Variants in GRIK3 observed in about 807,000 individuals in gnomAD.
GRIK3 encodes the protein glutamate ionotropic receptor kainate type subunit 3.
GRIK3 carries 29 observed loss-of-function variants against 102.5 expected under a neutral mutation model. The observed-to-expected ratio is 0.28, with a 90% CI of 0.21 to 0.39. GRIK3 has a LOEUF of 0.39. Among genes scored for constraint, GRIK3 ranks in the 10% least tolerant of loss-of-function variants. The pLI is 1.00. For missense variants in GRIK3, 908 were observed against 1,252.4 expected, an observed-to-expected ratio of 0.73 and a Z score of 4.15; for synonymous variants, 511 against 504.9, an observed-to-expected ratio of 1.01 and a Z score of -0.16.
At chr1:36,970,816 C>A (rs1413166693) in intron 1 of GRIK3, among the ~76,000 whole-genome samples, 1 of 152,186 alleles carries the variant, frequency 6.6e-6, no homozygotes, top group Non-Finnish European at 1.5e-5. Context: ...CTCTTATATT[C>A]CTCTTGGTTT....
At chr1:36,852,541 C>A (rs541439627) in intron 8 of GRIK3, among the ~76,000 whole-genome samples, 29 of 152,320 alleles carry the variant, frequency 1.9e-4, no homozygotes, top group African/African-American at 7.0e-4. Context: ...TGGGCAGTTT[C>A]AGAGCAGGGC....
At chr1:36,997,839 T>C (rs75727113) in intron 1 of GRIK3, among the ~76,000 whole-genome samples, 4,395 of 152,218 alleles carry the variant, frequency 0.029, 225 homozygotes, top group African/African-American at 0.1. Context: ...TGGGAGGGTT[T>C]GGAGCTGACC....
intron 13 of GRIK3, among the ~76,000 whole-genome samples, chr1:36,814,908 A>G (rs1384287428): frequency 1.3e-5 from 2 of 152,184 alleles, no homozygotes; most frequent in Non-Finnish European, 2.9e-5. Context: ...TGCATCACAC[A>G]TATGTTCAGC....
At chr1:36,995,848 G>A (rs915259177) in intron 1 of GRIK3, among the ~76,000 whole-genome samples, 1 of 152,174 alleles carries the variant, frequency 6.6e-6, no homozygotes, top group Admixed American at 6.5e-5. Context: ...AAACAGAGCT[G>A]GCAAGGCACT....
At chr1:36,911,306 C>A (rs944917117) in intron 1 of GRIK3, among the ~76,000 whole-genome samples, 3 of 152,184 alleles carry the variant, frequency 2.0e-5, no homozygotes. Context: ...CACCACTTCC[C>A]AGCTATGTCA....
At chr1:37,011,512 G>A (rs1642595703) in intron 1 of GRIK3, among the ~76,000 whole-genome samples, 1 of 152,172 alleles carries the variant, frequency 6.6e-6, no homozygotes, top group Admixed American at 6.5e-5. Context: ...AGCACAGAGA[G>A]GTTAAGAACT....
At chr1:37,029,547 A>G (rs187675796) in intron 1 of GRIK3, among the ~76,000 whole-genome samples, 1 of 152,320 alleles carries the variant, frequency 6.6e-6, no homozygotes, top group East Asian at 1.9e-4. Flanking sequence ...ACTGAGATCA[A>G]ACAGGTCTCC....
chr1:36,966,914 C>A (rs141540167), intron 1 of GRIK3, among the ~76,000 whole-genome samples: 5 of 152,166 alleles, frequency 3.3e-5, no homozygotes, highest in African/African-American at 9.6e-5. Context: ...ATTTGCCAGA[C>A]AATGTGCTTG....
At chr1:36,885,281 C>T (rs1226431988) in intron 2 of GRIK3, among the ~76,000 whole-genome samples, 4 of 151,982 alleles carry the variant, frequency 2.6e-5, no homozygotes, top group African/African-American at 9.7e-5. Flanking sequence ...GTGATCACAA[C>T]GTTGATGGTA....
chr1:37,033,663 G>A (rs1462350237), intron 1 of GRIK3, among the ~76,000 whole-genome samples: 1 of 152,120 alleles, frequency 6.6e-6, no homozygotes, highest in East Asian at 1.9e-4. Context: ...GAACTCGGTC[G>A]GCTGCGGTTC....
chr1:36,928,177 A>G (rs1427050050), intron 1 of GRIK3, among the ~76,000 whole-genome samples: 1 of 152,174 alleles, frequency 6.6e-6, no homozygotes, highest in African/African-American at 2.4e-5. Flanking sequence ...AAATGGGGTG[A>G]GGAAGGGAAG....
chr1:36,976,717 G>A lies in GRIK3; in HGVS notation c.115+57277C>T, dbSNP rs143438705. Among the ~76,000 whole-genome samples the A allele has an allele frequency of 2.2e-3, 334 of 152,186 alleles. 1 individual carries two copies. Among genetic ancestry groups the A allele is most frequent in the African/African-American group, 7.6e-3 (314 of 41,484 alleles). ...GTTCTTGGATCTCTCCATCCTTCCTGGGGCTCTGAGTCATCATCTGAGTTA... is the reference window on the plus strand; with the variant it reads ...GTTCTTGGATCTCTCCATCCTTCCTAGGGCTCTGAGTCATCATCTGAGTTA... On this transcript the variant is annotated intron_variant, in intron 1 of 15. Coordinates refer to ENST00000373091, the MANE Select transcript of GRIK3 (RefSeq NM_000831.4).
Position 37,034,167 on chromosome 1 carries a change from G to A in GRIK3, c.-59C>T, listed in dbSNP as rs924976738. The stretch of plus-strand genomic sequence containing the variant: ...CCGTGGCGGGCTCCCTGGGGCGGCA[G>A]CTCTAGGCGCGGGCGCGCAGCAGCC... On this transcript the variant is annotated 5_prime_UTR_variant, in exon 1 of 16. Coordinates refer to ENST00000373091, the MANE Select transcript of GRIK3 (RefSeq NM_000831.4). 5.9e-5 allele frequency: 42 copies of A among 710,866 alleles called. No individual in the cohort carries two copies. The highest frequency in any genetic ancestry group is 7.3e-5 in the Non-Finnish European group (36 of 493,170). The allele number at this position is 710,866 out of a possible 1,614,324, so 44.0% of individuals were successfully genotyped here.
At chr1:36,812,940 C>T (rs1269602182) in intron 13 of GRIK3, among the ~76,000 whole-genome samples, 1 of 152,244 alleles carries the variant, frequency 6.6e-6, no homozygotes, top group Admixed American at 6.5e-5. Flanking sequence ...TAAATCCCAT[C>T]CTTTCACTCA....
chr1:36,871,749 C>T (rs540190667), intron 4 of GRIK3, among the ~76,000 whole-genome samples: 12 of 152,262 alleles, frequency 7.9e-5, no homozygotes, highest in East Asian at 1.9e-4. Context: ...CACCAAGTGC[C>T]GTGGGCTACG....
intron 2 of GRIK3, among the ~76,000 whole-genome samples, chr1:36,881,657 C>A (rs4653228): frequency 8.5e-5 from 13 of 152,176 alleles, no homozygotes; most frequent in Admixed American, 4.6e-4. Flanking sequence ...GCAGAAGCTT[C>A]CTCAGTCATC....
chr1:36,899,988 T>G (rs1478701136), intron 1 of GRIK3, among the ~76,000 whole-genome samples: 1 of 152,210 alleles, frequency 6.6e-6, no homozygotes, highest in South Asian at 2.1e-4. Context: ...AATGGACTGA[T>G]CCAGTTGACA....
rs542364959 is a variant in GRIK3, at chr1:36,867,140, C to T, written c.786+2608G>A. On this transcript the variant is annotated intron_variant, in intron 5 of 15. Coordinates refer to ENST00000373091, the MANE Select transcript of GRIK3 (RefSeq NM_000831.4). The stretch of plus-strand genomic sequence containing the variant: ...GATTAAGAAAATGAAGAAAAATGGA[C>T]ACTGGCCGGGGCTAGTCTCTGTTCC... Among the ~76,000 whole-genome samples, 15 of 152,302 alleles carry T rather than the reference C, an allele frequency of 9.8e-5. No homozygotes were observed. The South Asian group carries it at 3.1e-3, about 32-fold the overall frequency.
At chr1:36,991,503 G>A (rs1157393813) in intron 1 of GRIK3, among the ~76,000 whole-genome samples, 1 of 152,210 alleles carries the variant, frequency 6.6e-6, no homozygotes, top group African/African-American at 2.4e-5. Flanking sequence ...CTCCATGGGA[G>A]GCTGCTGGAT....
Sources: allele counts gnomAD v4.1 joint callset (sites outside exome capture counted in the v4.1 genomes callset), GRCh38; gene constraint gnomAD v4.1.1; transcripts MANE v1.5; gene names NCBI Gene and HGNC (gene_info 2026-07-23, HGNC 2026-07-21).